The following SMCO2 variants were observed in gnomAD, a reference collection of about 807,000 sequenced individuals.
SMCO2 encodes single-pass membrane protein with coiled-coil domains 2, also known as single-pass membrane and coiled-coil domain-containing protein 2.
Under a neutral mutation model 29.5 loss-of-function variants are expected in SMCO2, and 25 were observed. The ratio of observed to expected loss-of-function variants is 0.85; its 90% CI spans 0.62 to 1.18. The LOEUF is 1.18. SMCO2 is among the 50% of genes most tolerant of loss of function. SMCO2 has a pLI of 0.00. For synonymous variants in SMCO2, 117 were observed against 123.3 expected, an observed-to-expected ratio of 0.95 and a Z score of 0.34; for missense variants, 348 against 344.5, an observed-to-expected ratio of 1.01 and a Z score of -0.08.
At chr12:27,431,385 A>G in the SMCO2 span, among the ~76,000 whole-genome samples, 7,765 of 152,244 alleles carry the variant, frequency 0.051, 231 homozygotes, top group Middle Eastern at 0.082. Flanking sequence ...ACAGATCTCT[A>G]GAATGTTTTC....
At chr12:27,425,571 C>T in the SMCO2 span, among the ~76,000 whole-genome samples, 1 of 152,304 alleles carries the variant, frequency 6.6e-6, no homozygotes, top group Non-Finnish European at 1.5e-5. Context: ...CTCAGCTTTG[C>T]TTTCCTATGA....
the SMCO2 span, chr12:27,425,185 T>C: frequency 6.6e-6 from 1 of 152,200 alleles, no homozygotes; most frequent in Non-Finnish European, 1.5e-5. Context: ...TGTATATTGG[T>C]ATTTTTAAAT....
chr12:27,481,303 G>C (rs142040311), intron 4 of SMCO2, among the ~76,000 whole-genome samples: 164 of 152,328 alleles, frequency 1.1e-3, no homozygotes, highest in Middle Eastern at 3.4e-3. Flanking sequence ...TCCCTATACT[G>C]GTCTCAGGGC....
chr12:27,447,225 T>C, the SMCO2 span, among the ~76,000 whole-genome samples: 4 of 152,146 alleles, frequency 2.6e-5, no homozygotes, highest in Admixed American at 6.5e-5. Flanking sequence ...CAGCCCCTTC[T>C]TGAGCTACCT....
chr12:27,482,902 T>G (rs1949657522), intron 4 of SMCO2, among the ~76,000 whole-genome samples: 1 of 152,124 alleles, frequency 6.6e-6, no homozygotes, highest in African/African-American at 2.4e-5. Context: ...AATTTTTGTA[T>G]TTTTTGTAGA....
At chr12:27,500,838 C>T (rs377585) in intron 7 of SMCO2, among the ~76,000 whole-genome samples, 6,075 of 150,220 alleles carry the variant, frequency 0.04, 831 homozygotes, top group African/African-American at 0.14. Context: ...GGGATAATGG[C>T]GAGAAACTTG....
Position 27,495,695 on chromosome 12 carries a change from G to A in SMCO2, c.523G>A (p.Val175Met), listed in dbSNP as rs956346627. ...TTTTTTTCAGGACCTTTGCAAGAAT[G>A]TGGAACTGCTGAGTGCAAAGCTAAG... is the stretch of plus-strand genomic sequence containing the variant. Residue 175 changes from valine (V) to methionine (M), a missense_variant, in exon 7 of 8, where the codon GTG becomes ATG. Transcript: ENST00000298876. 2.0e-6 allele frequency: 3 copies of A among 1,473,498 alleles called. No homozygotes were observed. The highest frequency in any genetic ancestry group is 9.1e-7 in the Non-Finnish European group (1 of 1,096,556). 91.3% of individuals were successfully genotyped at this position (1,473,498 alleles called of 1,614,324 possible).
chr12:27,491,643 G>A (rs1030847439), intron 5 of SMCO2, among the ~76,000 whole-genome samples: 2 of 151,582 alleles, frequency 1.3e-5, no homozygotes, highest in African/African-American at 2.4e-5. Flanking sequence ...GATGCCTAGC[G>A]CAATGGCCAC....
At chr12:27,477,460 T>C (rs1049898298) in intron 4 of SMCO2, among the ~76,000 whole-genome samples, 2 of 151,938 alleles carry the variant, frequency 1.3e-5, no homozygotes, top group Non-Finnish European at 2.9e-5. Flanking sequence ...TTGTGTTTTC[T>C]GTATTTGAAT....
chr12:27,487,212 C>T (rs1357877465), intron 4 of SMCO2, among the ~76,000 whole-genome samples: 1 of 152,192 alleles, frequency 6.6e-6, no homozygotes, highest in Non-Finnish European at 1.5e-5. Context: ...TGTGTTACCC[C>T]TTTATACATA....
chr12:27,485,266 T>A (rs1024328632), intron 4 of SMCO2, among the ~76,000 whole-genome samples: 24 of 152,006 alleles, frequency 1.6e-4, no homozygotes, highest in African/African-American at 5.1e-4. Flanking sequence ...TCTCAGACAC[T>A]GTAGTTTGTG....
At chr12:27,484,217 C>T (rs1311209577) in intron 4 of SMCO2, among the ~76,000 whole-genome samples, 1 of 152,178 alleles carries the variant, frequency 6.6e-6, no homozygotes, top group East Asian at 1.9e-4. Context: ...ATGGTGAAAC[C>T]CCGTCTCTAC....
intron 5 of SMCO2, among the ~76,000 whole-genome samples, chr12:27,490,854 G>A (rs1949729732): frequency 6.6e-6 from 1 of 152,106 alleles, no homozygotes; most frequent in Non-Finnish European, 1.5e-5. Context: ...ATCACCTTCT[G>A]GACTCAGGAG....
At chr12:27,437,260 G>C in the SMCO2 span, among the ~76,000 whole-genome samples, 1 of 152,024 alleles carries the variant, frequency 6.6e-6, no homozygotes, top group Non-Finnish European at 1.5e-5. Context: ...GACAGAGAAA[G>C]ACCTTGTCTC....
At position 27,487,706 on chromosome 12, in the gene SMCO2, C is replaced by T. The variant is rs559991652; in HGVS notation, c.363-754C>T. ...CCAATTTATGAATGATCGCGTTTCT[C>T]CACATCCTCACTAGCATTTGGTGTT... On this transcript the variant is annotated intron_variant, in intron 4 of 7. Coordinates refer to ENST00000298876, the Ensembl canonical transcript of SMCO2. 2.0e-5 allele frequency among the ~76,000 whole-genome samples: 3 copies of T among 151,916 alleles called. No homozygotes were observed. The South Asian group carries it at 6.2e-4, about 32-fold the overall frequency.
intron 3 of SMCO2, 73 bp from the exon 4 acceptor site, chr12:27,474,713 G>GT: frequency 2.0e-6 from 3 of 1,523,184 alleles, no homozygotes; most frequent in Non-Finnish European, 2.7e-6. Flanking sequence ...GGGGGATTGG[G>GT]TAGGGCTGGA....
At chr12:27,482,769 T>A (rs1158762429) in intron 4 of SMCO2, among the ~76,000 whole-genome samples, 1 of 152,206 alleles carries the variant, frequency 6.6e-6, no homozygotes, top group African/African-American at 2.4e-5. Flanking sequence ...CTCGCTCTGT[T>A]GCCCAGGCTG....
chr12:27,485,757 A>G (rs907194353), intron 4 of SMCO2, among the ~76,000 whole-genome samples: 1 of 152,182 alleles, frequency 6.6e-6, no homozygotes, highest in African/African-American at 2.4e-5. Flanking sequence ...TTTTATAAGC[A>G]TATAGACTGT....
intron 4 of SMCO2, among the ~76,000 whole-genome samples, chr12:27,479,282 G>C (rs989396641): frequency 6.6e-6 from 1 of 152,004 alleles, no homozygotes; most frequent in African/African-American, 2.4e-5. Context: ...GCAGTGGGTG[G>C]GGTAGGCTGC....
Sources: gnomAD v4.1 joint callset for allele counts (sites outside exome capture counted in the v4.1 genomes callset) on GRCh38, gnomAD v4.1.1 for gene constraint, MANE v1.5 for transcripts, NCBI Gene and HGNC (gene_info 2026-07-23, HGNC 2026-07-21) for gene names.